The following ARHGEF16 variants were observed in gnomAD, a reference collection of about 807,000 sequenced individuals.
The protein encoded by ARHGEF16 is Rho guanine nucleotide exchange factor 16.
In ARHGEF16, 59 loss-of-function variants were observed where a neutral mutation model predicts 74.1. That is an observed-to-expected ratio of 0.80 (90% confidence interval 0.65 to 0.99). The LOEUF (loss-of-function observed/expected upper bound fraction) is 0.99. Ranked by LOEUF, ARHGEF16 falls within the 50% of genes least tolerant of loss-of-function variation. The pLI, the probability that ARHGEF16 is intolerant of heterozygous loss-of-function variation, is 0.00. For synonymous variants in ARHGEF16, 415 were observed against 412.6 expected, an observed-to-expected ratio of 1.01 and a Z score of -0.07; for missense variants, 948 against 986.6, an observed-to-expected ratio of 0.96 and a Z score of 0.52.
At chr1:3,475,877 G>A (rs1639855751) in intron 9 of ARHGEF16, 93 bp from the exon 10 acceptor site, 4 of 1,302,324 alleles carry the variant, frequency 3.1e-6, no homozygotes, top group Non-Finnish European at 4.2e-6. Context: ...GCCAGAGGCT[G>A]GCTGGGCAGG....
At chr1:3,459,696 C>T (rs1022951272) in intron 1 of ARHGEF16, among the ~76,000 whole-genome samples, 2 of 152,150 alleles carry the variant, frequency 1.3e-5, no homozygotes, top group Non-Finnish European at 2.9e-5. Context: ...ATGGCAGAGA[C>T]GCCAGAACAC....
At chr1:3,471,934 C>A in intron 6 of ARHGEF16, 1 of 595,468 alleles carries the variant, frequency 1.7e-6, no homozygotes, top group Non-Finnish European at 2.2e-6. Flanking sequence ...CCATGACCTG[C>A]TGGGTCCTCG....
At position 3,478,560 on chromosome 1, in the gene ARHGEF16, C is replaced by T. The variant is rs745391774; in HGVS notation, c.1762C>T (p.Leu588Phe). The change falls in exon 12 of 15, where the codon CTT becomes TTT. Residue 588 changes from leucine (L) to phenylalanine (F), a missense_variant. Leu to Phe is a conservative substitution (Grantham distance 22, BLOSUM62 0). Coordinates refer to ENST00000378378, the MANE Select transcript of ARHGEF16 (RefSeq NM_014448.4). ...SVPHPFQVTL[L>F]RNSEGRQEQL... ...GCCCCACCCCTTCCAGGTGACCCTG[C>T]TTCGCAACAGCGAGGGCCGCCAGGA... is the stretch of plus-strand genomic sequence containing the variant. The T allele has an allele frequency of 1.2e-6, 2 of 1,612,486 alleles. No homozygotes were observed. Among genetic ancestry groups the T allele is most frequent in the African/African-American group, 2.7e-5 (2 of 74,946 alleles).
intron 1 of ARHGEF16, among the ~76,000 whole-genome samples, chr1:3,456,490 C>T (rs569312805): frequency 3.7e-4 from 57 of 152,230 alleles, no homozygotes; most frequent in African/African-American, 1.3e-3. Context: ...GGCCAGAACC[C>T]CCACTCCCCC....
intron 2 of ARHGEF16, among the ~76,000 whole-genome samples, chr1:3,464,986 G>T (rs1557688828): frequency 6.6e-6 from 1 of 152,196 alleles, no homozygotes; most frequent in African/African-American, 2.4e-5. Context: ...ACCAGCCACT[G>T]TCCTCGGTCA....
Position 3,471,202 on chromosome 1 carries a change from C to T in ARHGEF16, c.1022+1609C>T, listed in dbSNP as rs942237140. On this transcript the variant is annotated intron_variant, in intron 6 of 14. Coordinates refer to ENST00000378378, the MANE Select transcript of ARHGEF16 (RefSeq NM_014448.4). Reference sequence around the variant, plus strand: ...CTGCTCCCTATATGCAGGAGGACCCCGGAGCATCGAGTCTCCTGAGCCTCA... The same window carrying T: ...CTGCTCCCTATATGCAGGAGGACCCTGGAGCATCGAGTCTCCTGAGCCTCA... 2.0e-4 allele frequency among the ~76,000 whole-genome samples: 31 copies of T among 152,038 alleles called. 1 individual carries two copies. Among genetic ancestry groups the T allele is most frequent in the African/African-American group, 2.9e-4 (12 of 41,430 alleles).
At chr1:3,474,834 T>TTCC in intron 9 of ARHGEF16, 52 bp downstream of exon 9, 1 of 1,528,010 alleles carries the variant, frequency 6.5e-7, no homozygotes, top group Non-Finnish European at 9.0e-7. Context: ...CCCGACCCTG[T>TTCC]CCCCACCCAA....
chr1:3,477,199 G>A (rs932306372), intron 10 of ARHGEF16, among the ~76,000 whole-genome samples: 2 of 127,890 alleles, frequency 1.6e-5, no homozygotes, highest in Admixed American at 8.6e-5. Context: ...GTGAGGAGGT[G>A]TCAACAGTCG....
At chr1:3,464,144 A>G (rs534997457) in intron 2 of ARHGEF16, among the ~76,000 whole-genome samples, 94 of 71,872 alleles carry the variant, frequency 1.3e-3, no homozygotes, top group African/African-American at 2.6e-3. Context: ...AAGTCTGCAC[A>G]TTCCCTCTGT....
rs139091624 is a variant in ARHGEF16 at position 3,478,695 on chromosome 1, G to A, written c.1814+83G>A. On this transcript the variant is annotated intron_variant, in intron 12 of 14. Transcript: ENST00000378378. ...ACCGGGTTGTCCCCCTGCCTTGCTCGCTGTTGCATGGCTGGCTCTGAACGC... is the reference window on the plus strand; with the variant it reads ...ACCGGGTTGTCCCCCTGCCTTGCTCACTGTTGCATGGCTGGCTCTGAACGC... 1,012 of 1,433,686 alleles carry A rather than the reference G, an allele frequency of 7.1e-4. 8 individuals are homozygous for A. In the African/African-American group the frequency reaches 0.01, roughly 15 times the overall value. The allele number at this position is 1,433,686 out of a possible 1,614,324, so 88.8% of individuals were successfully genotyped here.
intron 13 of ARHGEF16, 47 bp downstream of exon 13, chr1:3,479,637 G>A: frequency 6.3e-7 from 1 of 1,595,160 alleles, no homozygotes; most frequent in Non-Finnish European, 8.5e-7. Context: ...GCCGTGGCTG[G>A]CACTTTGGCC....
chr1:3,480,778 A>G lies in ARHGEF16; in HGVS notation c.*191A>G. On this transcript the variant is annotated 3_prime_UTR_variant, in exon 15 of 15. Coordinates refer to ENST00000378378, the MANE Select transcript of ARHGEF16 (RefSeq NM_014448.4). ...GAAGATCACATGTCCCCAGAGAGGC[A>G]CCCCCAGGCAAGCTCGAGGGGGCCA... is the stretch of plus-strand genomic sequence containing the variant. 5.0e-6 allele frequency: 4 copies of G among 792,664 alleles called. No homozygotes were observed. Among genetic ancestry groups the G allele is most frequent in the Non-Finnish European group, 7.7e-6 (4 of 519,180 alleles). 49.1% of individuals were successfully genotyped at this position (792,664 alleles called of 1,614,324 possible). A position where few individuals can be genotyped will look rare whatever the true frequency, so the allele number is the denominator to read the frequency against.
chr1:3,479,379 T>C (rs1639990431), intron 12 of ARHGEF16, 138 bp from the exon 13 acceptor site: 3 of 944,174 alleles, frequency 3.2e-6, no homozygotes, highest in Non-Finnish European at 4.8e-6. Flanking sequence ...CCTGGCACAG[T>C]CTGCCCAGCC....
intron 11 of ARHGEF16, 48 bp from the exon 12 acceptor site, chr1:3,478,376 G>A (rs752680379): frequency 6.5e-7 from 1 of 1,538,812 alleles, no homozygotes; most frequent in South Asian, 1.2e-5. Flanking sequence ...AGCAGCACTG[G>A]GTAGGAGCTG....
intron 10 of ARHGEF16, among the ~76,000 whole-genome samples, chr1:3,477,490 C>G (rs1483892794): frequency 6.7e-6 from 1 of 149,694 alleles, no homozygotes; most frequent in East Asian, 2.0e-4. Flanking sequence ...CCCTGCCAAC[C>G]CTCCCTCGGG....
intron 6 of ARHGEF16, among the ~76,000 whole-genome samples, chr1:3,471,372 C>A (rs1433212217): frequency 6.6e-6 from 1 of 152,050 alleles, no homozygotes; most frequent in Non-Finnish European, 1.5e-5. Context: ...CAGCCCCGCC[C>A]CTGGCGAGTC....
intron 1 of ARHGEF16, among the ~76,000 whole-genome samples, chr1:3,456,569 C>T (rs1557684116): frequency 6.6e-6 from 1 of 152,242 alleles, no homozygotes. Context: ...CCCCGCAGGC[C>T]ACATTCCCTC....
intron 3 of ARHGEF16, 130 bp from the exon 4 acceptor site, chr1:3,467,038 C>G: frequency 2.0e-6 from 2 of 1,005,948 alleles, no homozygotes; most frequent in Admixed American, 2.7e-5. Context: ...GGGCAGTCCC[C>G]TCCCAAAGCC....
Position 3,473,137 on chromosome 1 carries a change from A to G in ARHGEF16, c.1082A>G (p.Asp361Gly). 1.2e-6 allele frequency: 2 copies of G among 1,613,460 alleles called. No homozygotes were observed. Among genetic ancestry groups the G allele is most frequent in the South Asian group, 1.1e-5 (1 of 91,086 alleles). Reference protein sequence around the residue: ...KAQVLVEDISDILEEHAEKHF... With the variant: ...KAQVLVEDISGILEEHAEKHF... ...CAGGTGCTGGTCGAGGACATCAGTGACATCCTGGAGGAGCACGCTGAGAAG... is the reference window on the plus strand; with the variant it reads ...CAGGTGCTGGTCGAGGACATCAGTGGCATCCTGGAGGAGCACGCTGAGAAG... The change falls in exon 7 of 15, where the codon GAC (aspartate) becomes GGC (glycine). Residue 361 changes from aspartate (D) to glycine (G), a missense_variant. Asp to Gly is a moderately conservative substitution (Grantham distance 94). Coordinates refer to ENST00000378378, the MANE Select transcript of ARHGEF16 (RefSeq NM_014448.4).
Sources: gnomAD v4.1 joint callset for allele counts (sites outside exome capture counted in the v4.1 genomes callset) on GRCh38, gnomAD v4.1.1 for gene constraint, MANE v1.5 for transcripts, NCBI Gene and HGNC (gene_info 2026-07-23, HGNC 2026-07-21) for gene names.